BCAS3: variants seen among roughly 807,000 people sequenced by gnomAD.
BCAS3 encodes the protein BCAS3 microtubule associated cell migration factor.
BCAS3 carries 53 observed loss-of-function variants against 116.1 expected under a neutral mutation model. The observed-to-expected ratio is 0.46, with a 90% CI of 0.37 to 0.57. The LOEUF (loss-of-function observed/expected upper bound fraction) is 0.57. Ranked by LOEUF, BCAS3 falls within the 20% of genes least tolerant of loss-of-function variation. BCAS3 has a pLI of 0.00. For synonymous variants in BCAS3, 391 were observed against 408.2 expected (o/e 0.96, Z 0.51); for missense variants, 917 against 1,165.4 (o/e 0.79, Z 3.10).
In BCAS3 at chr17:61,323,965, G is replaced by A. The variant is rs1016235020; in HGVS notation, c.2426-44362G>A. Among the ~76,000 whole-genome samples the A allele has an allele frequency of 2.0e-5, 3 of 152,244 alleles. No homozygotes were observed. Among genetic ancestry groups the A allele is most frequent in the Admixed American group, 6.5e-5 (1 of 15,282 alleles). On this transcript the variant is annotated intron_variant, in intron 22 of 23. Transcript: ENST00000407086. This position sits in a 1 kb window ranked among gnomAD's most constrained non-coding sequence, Gnocchi z 4.6. ...GATAGCTCATTGTCAAAGGTTGGGC[G>A]GGAGACGAGGTAAGAACTGTTAGTG...
intron 22 of BCAS3, among the ~76,000 whole-genome samples, chr17:61,102,467 G>A (rs112688635): frequency 2.6e-5 from 4 of 152,076 alleles, no homozygotes; most frequent in Non-Finnish European, 4.4e-5. Flanking sequence ...ATATTATGAG[G>A]TAAAAGCACT....
At chr17:60,861,497 GA>G (rs1249028804) in intron 7 of BCAS3, among the ~76,000 whole-genome samples, 1 of 152,110 alleles carries the variant, frequency 6.6e-6, no homozygotes, top group Non-Finnish European at 1.5e-5. Flanking sequence ...TCTCTTTCCT[GA>G]TTGCTCTGGC....
At chr17:60,769,806 A>G (rs1327032182) in intron 6 of BCAS3, among the ~76,000 whole-genome samples, 1 of 151,242 alleles carries the variant, frequency 6.6e-6, no homozygotes, top group African/African-American at 2.4e-5. Flanking sequence ...ATGGAGTTTC[A>G]CCCTTTCGCC....
At chr17:61,305,748 T>C (rs1861289525) in intron 22 of BCAS3, among the ~76,000 whole-genome samples, 1 of 152,022 alleles carries the variant, frequency 6.6e-6, no homozygotes, top group Admixed American at 6.6e-5. Flanking sequence ...ATACAAAAAT[T>C]AGCTGGGTGT....
chr17:61,018,290 GTTTTTTTTTTTTTTT>G lies in BCAS3; in HGVS notation c.1637+2404_1637+2418del, dbSNP rs10570881. ...AATTCTTGTCTACCCAAATTCCCCA[GTTTTTTTTTTTTTTT>G]TTTTTTTTTTTTTTGAGACGTAGTC... is the stretch of plus-strand genomic sequence containing the variant. On this transcript the variant is annotated intron_variant, in intron 16 of 23. Coordinates refer to ENST00000407086, the MANE Select transcript of BCAS3 (RefSeq NM_017679.5). Among the ~76,000 whole-genome samples the G allele has an allele frequency of 1.4e-4, 12 of 83,058 alleles. No individual in the cohort carries two copies. In the South Asian group the frequency reaches 1.6e-3, roughly 11 times the overall value. 54.5% of individuals were successfully genotyped at this position (83,058 alleles called of 152,430 possible).
rs1278489456 is a variant in BCAS3 at position 61,073,959 on chromosome 17, T to C, written c.2030-961T>C. Among the ~76,000 whole-genome samples, 2 of 151,730 alleles carry C rather than the reference T, an allele frequency of 1.3e-5. No individual in the cohort carries two copies. Among genetic ancestry groups the C allele is most frequent in the Non-Finnish European group, 2.9e-5 (2 of 67,898 alleles). ...TCCTGTCTCTACAAGGAAGAAAATA[T>C]TGGGCAGGCATTGGTAGCTCATGCC... On this transcript the variant is annotated intron_variant, in intron 19 of 23. Transcript: ENST00000407086. This position sits in a 1 kb window ranked among gnomAD's most constrained non-coding sequence, Gnocchi z 4.6.
At chr17:61,093,916 C>A (rs1329347228) in intron 22 of BCAS3, among the ~76,000 whole-genome samples, 1 of 152,172 alleles carries the variant, frequency 6.6e-6, no homozygotes, top group African/African-American at 2.4e-5. Flanking sequence ...TGCATTTGTA[C>A]GAACATACCA....
At chr17:60,827,199 G>T (rs1418004826) in intron 7 of BCAS3, among the ~76,000 whole-genome samples, 2 of 152,166 alleles carry the variant, frequency 1.3e-5, no homozygotes, top group Admixed American at 1.3e-4. Flanking sequence ...TGCTGTGATT[G>T]GTTCTTGTGT....
chr17:60,982,018 TGC>T (rs2062846291), intron 14 of BCAS3, among the ~76,000 whole-genome samples: 1 of 152,202 alleles, frequency 6.6e-6, no homozygotes. Context: ...TATATGTGTA[TGC>T]ACAAATGTGT....
chr17:61,238,555 A>C (rs2083249027), intron 22 of BCAS3, among the ~76,000 whole-genome samples: 1 of 151,946 alleles, frequency 6.6e-6, no homozygotes, highest in Admixed American at 6.6e-5. Flanking sequence ...TTCCATCATA[A>C]TGAGATAATC....
rs1439301085 is a variant in BCAS3 at position 61,124,207 on chromosome 17, T to A, written c.2425+39643T>A. Among the ~76,000 whole-genome samples, 1 of 152,180 alleles carries A rather than the reference T, an allele frequency of 6.6e-6. No homozygotes were observed. The highest frequency in any genetic ancestry group is 1.5e-5 in the Non-Finnish European group (1 of 68,032). ...ATGGTTTCCTATTGGCTTCTTTAGC[T>A]GGAAAAATTATTTCTACAGGACAAT... On this transcript the variant is annotated intron_variant, in intron 22 of 23. Transcript: ENST00000407086. This position sits in a 1 kb window ranked among gnomAD's most constrained non-coding sequence, Gnocchi z 4.6.
chr17:60,734,324 C>G (rs1278015685), intron 5 of BCAS3, among the ~76,000 whole-genome samples: 1 of 152,166 alleles, frequency 6.6e-6, no homozygotes, highest in East Asian at 1.9e-4. Context: ...GAGATGGAGT[C>G]TTGCTGTGTT....
At chr17:61,202,352 C>A (rs189762588) in intron 22 of BCAS3, among the ~76,000 whole-genome samples, 1 of 151,834 alleles carries the variant, frequency 6.6e-6, no homozygotes, top group East Asian at 1.9e-4. Flanking sequence ...AAACGATTTG[C>A]GCAATCTATC....
At chr17:60,913,779 C>T (rs2058642104) in intron 12 of BCAS3, among the ~76,000 whole-genome samples, 1 of 152,012 alleles carries the variant, frequency 6.6e-6, no homozygotes, top group Non-Finnish European at 1.5e-5. Context: ...CCTTCTGATG[C>T]CATATTGATT....
intron 7 of BCAS3, chr17:60,810,629 A>G (rs563013293): frequency 7.8e-5 from 54 of 693,480 alleles, no homozygotes; most frequent in Non-Finnish European, 1.1e-4. Context: ...CTGCAAATCA[A>G]CAGTGCCTGT....
chr17:60,699,467 C>T (rs968701498), intron 4 of BCAS3, among the ~76,000 whole-genome samples: 2 of 152,102 alleles, frequency 1.3e-5, no homozygotes, highest in African/African-American at 4.8e-5. Flanking sequence ...GTGATCTGCC[C>T]ACCTCAGCCT....
In BCAS3 at chr17:60,910,589, C is replaced by G. The variant is rs758827930; in HGVS notation, c.880C>G (p.Leu294Val). The G allele has an allele frequency of 2.5e-6, 4 of 1,612,410 alleles. No homozygotes were observed. The South Asian group carries it at 4.4e-5, about 18-fold the overall frequency. The stretch of plus-strand genomic sequence containing the variant: ...AGTGGTGACTCAGCTGACAGGCACA[C>G]TGCCTTCAGGTGTGACAGAAGATGA... ...GKVVTQLTGT[L>V]PSGVTEDDVA... The change falls in exon 12 of 24, where the codon CTG becomes GTG. Residue 294 changes from leucine to valine, a missense_variant. By Grantham distance (32) the Leu-to-Val change is conservative. This residue lies in a region of BCAS3 where 807 missense variants were observed against 1,026.0 expected (regional missense o/e 0.79). Transcript: ENST00000407086.
chr17:61,321,341 C>T (rs1209069599), intron 22 of BCAS3, among the ~76,000 whole-genome samples: 1 of 152,204 alleles, frequency 6.6e-6, no homozygotes, highest in East Asian at 1.9e-4. Flanking sequence ...CTGAGAGACT[C>T]GCATTCCTTC....
chr17:60,889,631 A>G (rs1280050343), intron 9 of BCAS3, 64 bp from the exon 10 acceptor site: 4 of 1,327,716 alleles, frequency 3.0e-6, no homozygotes, highest in East Asian at 2.3e-5. Context: ...TGGCATCGAT[A>G]TATGATGCAC....
Sources: gnomAD v4.1 joint callset for allele counts (sites outside exome capture counted in the v4.1 genomes callset) on GRCh38, gnomAD v4.1.1 for gene constraint, gnomAD v4.1.1 regional missense constraint, Gnocchi (gnomAD v3.1) non-coding constraint, MANE v1.5 for transcripts, NCBI Gene and HGNC (gene_info 2026-07-23, HGNC 2026-07-21) for gene names.